Variants in COMMD5 observed in about 807,000 individuals in gnomAD.
COMMD5 encodes the protein COMM domain containing 5, also known as COMM domain-containing protein 5.
A neutral mutation model predicts 6.9 loss-of-function variants in COMMD5; 10 were observed. The ratio of observed to expected loss-of-function variants is 1.44; its 90% CI spans 0.89 to 2.45. COMMD5 has a LOEUF of 2.45. Among genes scored for constraint, COMMD5 ranks in the 30% most tolerant of loss-of-function variants. The pLI is 0.00. For synonymous variants in COMMD5, 127 were observed against 125.3 expected (o/e 1.01, Z -0.09); for missense variants, 234 against 287.8 (o/e 0.81, Z 1.35).
At chr8:144,849,843 G>C (rs981081672), downstream of COMMD5, among the ~76,000 whole-genome samples, 1 of 149,264 alleles carries the variant, frequency 6.7e-6, no homozygotes, top group African/African-American at 2.6e-5. Context: ...CTCCTCTGCT[G>C]AAAACCCTCA....
intron 1 of COMMD5, among the ~76,000 whole-genome samples, chr8:144,851,691 T>A (rs1034046784): frequency 1.3e-5 from 2 of 151,806 alleles, no homozygotes; most frequent in Non-Finnish European, 2.9e-5. Context: ...AGTAAATTAA[T>A]AGATGAAAGA....
intron 1 of COMMD5, chr8:144,842,421 G>A (rs1054963579): frequency 6.2e-7 from 1 of 1,614,162 alleles, no homozygotes; most frequent in South Asian, 1.1e-5. Context: ...ACACTGGAGA[G>A]AAGCCTTATA....
chr8:144,840,102 C>T (rs931659541), downstream of COMMD5, among the ~76,000 whole-genome samples: 2 of 152,182 alleles, frequency 1.3e-5, no homozygotes, highest in Non-Finnish European at 2.9e-5. Flanking sequence ...ACCTGGCCAC[C>T]CTGCTCTCTT....
chr8:144,838,070 G>C (rs1467183103), downstream of COMMD5: 2 of 702,976 alleles, frequency 2.8e-6, no homozygotes, highest in Admixed American at 4.0e-5. Flanking sequence ...CCCTGTGAAG[G>C]CTTTAGGGAA....
rs772227840 is a variant in COMMD5 at position 144,841,634 on chromosome 8, G to A, written c.*226C>T. 3.7e-6 allele frequency: 6 copies of A among 1,614,118 alleles called. No individual in the cohort carries two copies. In the Admixed American group the frequency reaches 5.0e-5, roughly 13 times the overall value. Reference sequence around the variant, plus strand: ...CCCCAGGGATGTAAGGAGCTGGGAAGCAGCGGCCTGGATTGTCAGCCTCTT... The same window carrying A: ...CCCCAGGGATGTAAGGAGCTGGGAAACAGCGGCCTGGATTGTCAGCCTCTT... On this transcript the variant is annotated 3_prime_UTR_variant and NMD_transcript_variant, in exon 2 of 2. Coordinates refer to the COMMD5 transcript ENST00000530332.
downstream of COMMD5, chr8:144,846,086 C>T: frequency 1.3e-6 from 2 of 1,536,348 alleles, no homozygotes; most frequent in Non-Finnish European, 1.7e-6. Flanking sequence ...ACTGACCCTG[C>T]CTCCTCCTGG....
chr8:144,844,260 A>C (rs2722486), intron 1 of COMMD5, among the ~76,000 whole-genome samples: 10,797 of 152,184 alleles, frequency 0.071, 805 homozygotes, highest in East Asian at 0.26. Context: ...CACTCAAGCA[A>C]ATGCAAGTAC....
chr8:144,842,081 A>C (rs1563842685), intron 1 of COMMD5: 10 of 1,614,136 alleles, frequency 6.2e-6, no homozygotes, highest in Non-Finnish European at 6.8e-6. Context: ...ATCCACCATC[A>C]GAGAATCCAC....
chr8:144,843,136 C>G, intron 1 of COMMD5: 1 of 1,597,774 alleles, frequency 6.3e-7, no homozygotes, highest in South Asian at 1.1e-5. Context: ...TAGCTCAAGG[C>G]TTACCCAGCA....
chr8:144,843,249 G>C lies in COMMD5; in HGVS notation c.*117-1506C>G, dbSNP rs533559175. 6.2e-5 allele frequency: 89 copies of C among 1,426,616 alleles called. No individual in the cohort carries two copies. In the African/African-American group the frequency reaches 1.3e-3, roughly 20 times the overall value. The allele number at this position is 1,426,616 out of a possible 1,614,324, so 88.4% of individuals were successfully genotyped here. A position where few individuals can be genotyped will look rare whatever the true frequency, so the allele number is the denominator to read the frequency against. The stretch of plus-strand genomic sequence containing the variant: ...TATTTTATATGGAATCGTTTATACT[G>C]ACAAACATGTAGAATGTTGGTAAAG... On this transcript the variant is annotated intron_variant and NMD_transcript_variant, in intron 1 of 1. Transcript: ENST00000530332.
downstream of COMMD5, among the ~76,000 whole-genome samples, chr8:144,840,154 G>A (rs890107221): frequency 6.6e-6 from 1 of 152,230 alleles, no homozygotes; most frequent in Non-Finnish European, 1.5e-5. Context: ...TGTCAAGCAA[G>A]CCCTGTTGAA....
chr8:144,842,260 A>G (rs1274460701), intron 1 of COMMD5: 1 of 1,614,116 alleles, frequency 6.2e-7, no homozygotes, highest in Admixed American at 1.7e-5. Flanking sequence ...AAGGATGCAT[A>G]CTGGGGAGAA....
chr8:144,842,742 G>A (rs761662038), intron 1 of COMMD5: 2 of 1,613,614 alleles, frequency 1.2e-6, no homozygotes, highest in East Asian at 4.5e-5. Flanking sequence ...TACATCAAAG[G>A]GTTCACACTG....
At chr8:144,853,139 G>T (rs574072035), upstream of COMMD5, 1 of 152,142 alleles carries the variant, frequency 6.6e-6, no homozygotes, top group Non-Finnish European at 1.5e-5. Context: ...CCGAGGCCGC[G>T]CCAGGTCCCG....
At chr8:144,843,093 T>C (rs1325427905) in intron 1 of COMMD5, 2 of 1,612,842 alleles carry the variant, frequency 1.2e-6, no homozygotes, top group Admixed American at 1.7e-5. Context: ...AGAAGCCTTA[T>C]AAATGCAATG....
downstream of COMMD5, chr8:144,838,949 A>AAG (rs1214970621): frequency 6.6e-6 from 1 of 151,890 alleles, no homozygotes; most frequent in African/African-American, 2.4e-5. Flanking sequence ...CTCAAAAAAA[A>AAG]AAAAAAAAAA....
At position 144,850,624 on chromosome 8, in the gene COMMD5, T is replaced by C. The variant is rs780944429; in HGVS notation, c.*40A>G. On this transcript the variant is annotated 3_prime_UTR_variant, in exon 2 of 2. Coordinates refer to ENST00000305103, the MANE Select transcript of COMMD5 (RefSeq NM_014066.4). This position sits in a 1 kb window ranked among gnomAD's most constrained non-coding sequence, Gnocchi z 4.0. ...GCACTTTGGCACCATCTCAGGTGCC[T>C]GTCCAAGCCGGATCTGAATGGGACT... The C allele has an allele frequency of 1.9e-6, 3 of 1,580,502 alleles. No individual in the cohort carries two copies. The South Asian group carries it at 3.4e-5, about 18-fold the overall frequency.
At chr8:144,841,292 T>G in exon 2 of COMMD5, 3 of 1,505,622 alleles carry the variant, frequency 2.0e-6, no homozygotes, top group South Asian at 2.6e-5. Flanking sequence ...CCCCCGCATT[T>G]GTAGTCTTAT....
chr8:144,845,874 T>C, downstream of COMMD5: 1 of 1,138,176 alleles, frequency 8.8e-7, no homozygotes, highest in Non-Finnish European at 1.2e-6. Context: ...GTCCCTGCCT[T>C]GCGTCACGTG....
Sources: gnomAD v4.1 joint callset for allele counts (sites outside exome capture counted in the v4.1 genomes callset) on GRCh38, gnomAD v4.1.1 for gene constraint, Gnocchi (gnomAD v3.1) non-coding constraint, MANE v1.5 for transcripts, NCBI Gene and HGNC (gene_info 2026-07-23, HGNC 2026-07-21) for gene names.